Variants in DPP3 observed in about 807,000 individuals in gnomAD.
DPP3 encodes dipeptidyl peptidase 3.
A neutral mutation model predicts 89.8 loss-of-function variants in DPP3; 64 were observed. The observed-to-expected ratio is 0.71, with a 90% CI of 0.58 to 0.88. The LOEUF is 0.88. Ranked by LOEUF, DPP3 falls within the 40% of genes least tolerant of loss-of-function variation. DPP3 has a pLI of 0.00. For missense variants in DPP3, 835 were observed against 972.5 expected, an observed-to-expected ratio of 0.86 and a Z score of 1.88; for synonymous variants, 377 against 404.3, an observed-to-expected ratio of 0.93 and a Z score of 0.81.
intron 12 of DPP3, 147 bp downstream of exon 12, chr11:66,493,780 C>A (rs913739483): frequency 1.3e-6 from 1 of 779,980 alleles, no homozygotes. Context: ...AGAGAAGACC[C>A]TGTCTTGCCC....
In DPP3 at chr11:66,491,722, C is replaced by T. The variant is rs768079701; in HGVS notation, c.954C>T (p.Tyr318=). The part of the protein sequence containing the change: ...VESYIGFIES[Y]RDPFGSRGEF... ...GTTACATCGGGTTCATCGAGAGCTACCGCGACCCCTTTGGTTCCCGAGGAG... is the reference window on the plus strand; with the variant it reads ...GTTACATCGGGTTCATCGAGAGCTATCGCGACCCCTTTGGTTCCCGAGGAG... Residue 318 remains tyrosine, a synonymous_variant, in exon 9 of 18, where the codon TAC becomes TAT. Coordinates refer to ENST00000531863, the MANE Select transcript of DPP3 (RefSeq NM_130443.4). 7 of 1,612,950 alleles carry T rather than the reference C, an allele frequency of 4.3e-6. No individual in the cohort carries two copies. The African/African-American group carries it at 9.4e-5, about 22-fold the overall frequency.
intron 17 of DPP3, among the ~76,000 whole-genome samples, chr11:66,505,992 T>TA (rs1855790576): frequency 6.6e-6 from 1 of 152,126 alleles, no homozygotes. Flanking sequence ...CTCTGTCGCC[T>TA]AGGCTGGAGT....
chr11:66,494,941 C>T (rs907222506), intron 12 of DPP3, among the ~76,000 whole-genome samples: 4 of 152,248 alleles, frequency 2.6e-5, no homozygotes, highest in Admixed American at 1.3e-4. Flanking sequence ...GCAAGTCCCT[C>T]GGCTGTCTGG....
rs1404128052 is a variant in DPP3 at position 66,487,808 on chromosome 11, TG to T, written c.574-105del. The T allele has an allele frequency of 3.9e-6, 4 of 1,021,364 alleles. No homozygotes were observed. The Admixed American group carries it at 9.8e-5, about 25-fold the overall frequency. The allele number at this position is 1,021,364 out of a possible 1,614,324, so 63.3% of individuals were successfully genotyped here. ...CCCAGCCAACCCAGAAGGCCCAGCC[TG>T]CTTTGCCTCCATGCCTTCTCCCCTA... On this transcript the variant is annotated intron_variant, in intron 5 of 17. Coordinates refer to ENST00000531863, the MANE Select transcript of DPP3 (RefSeq NM_130443.4).
chr11:66,492,013 G>A (rs184603581), intron 9 of DPP3, among the ~76,000 whole-genome samples: 1 of 152,192 alleles, frequency 6.6e-6, no homozygotes, highest in Non-Finnish European at 1.5e-5. Context: ...GGGCACAGTT[G>A]GGGGGTGGCC....
At position 66,504,738 on chromosome 11, in the gene DPP3, C is replaced by T. The variant is rs1855760954; in HGVS notation, c.2005C>T (p.Arg669Trp). ...CACGGTGCTGCTGCGTAAGGAATCT[C>T]GGAAGCTCATTGTTCAGCCCAACAC... is the stretch of plus-strand genomic sequence containing the variant. ...RDTVLLRKES[R>W]KLIVQPNTRL... The change falls in exon 17 of 18, where the codon CGG (arginine) becomes TGG (tryptophan). Residue 669 changes from arginine (R) to tryptophan (W), a missense_variant. By Grantham distance (101) the Arg-to-Trp change is moderately radical (BLOSUM62 -3). Coordinates refer to ENST00000531863, the MANE Select transcript of DPP3 (RefSeq NM_130443.4). The T allele has an allele frequency of 6.2e-7, 1 of 1,612,752 alleles. No homozygotes were observed. Among genetic ancestry groups the T allele is most frequent in the Admixed American group, 1.7e-5 (1 of 59,966 alleles).
chr11:66,506,838 T>C (rs1335790843), intron 17 of DPP3, among the ~76,000 whole-genome samples: 3 of 151,982 alleles, frequency 2.0e-5, no homozygotes, highest in African/African-American at 7.2e-5. Context: ...GTGAGAGAGG[T>C]TGTCTCTGAC....
intron 17 of DPP3, 124 bp from the exon 18 acceptor site, chr11:66,508,955 G>A: frequency 1.6e-6 from 2 of 1,265,872 alleles, no homozygotes; most frequent in Non-Finnish European, 1.1e-6. Flanking sequence ...TAGAGCACAG[G>A]TTTTTTTGGC....
In DPP3 at chr11:66,485,164, C is replaced by A; in HGVS notation, c.271-9C>A. The A allele has an allele frequency of 6.2e-7, 1 of 1,613,828 alleles. No homozygotes were observed. The highest frequency in any genetic ancestry group is 8.5e-7 in the Non-Finnish European group (1 of 1,179,828). ...CTTCCTGGGTCTCTGATGCCTGCCT[C>A]CCCCTCAGGCGTTCCTGGTCTATGC... On this transcript the variant is annotated splice_polypyrimidine_tract_variant and intron_variant, in intron 2 of 17. Coordinates refer to ENST00000531863, the MANE Select transcript of DPP3 (RefSeq NM_130443.4).
chr11:66,489,167 CT>C (rs1054303707), intron 6 of DPP3, among the ~76,000 whole-genome samples: 11 of 152,182 alleles, frequency 7.2e-5, no homozygotes, highest in Non-Finnish European at 1.6e-4. Context: ...CGCCTGGCCC[CT>C]GTCCAGGTCT....
chr11:66,490,497 G>A (rs879475437), intron 6 of DPP3, among the ~76,000 whole-genome samples: 2 of 152,044 alleles, frequency 1.3e-5, no homozygotes, highest in African/African-American at 4.8e-5. Context: ...CTCTGCTATC[G>A]TCACAGCTCC....
At chr11:66,494,447 G>A (rs758273449) in intron 12 of DPP3, among the ~76,000 whole-genome samples, 4 of 152,240 alleles carry the variant, frequency 2.6e-5, no homozygotes, top group Non-Finnish European at 2.9e-5. Context: ...GCCTTGTCCA[G>A]ACTTTATCAA....
intron 16 of DPP3, among the ~76,000 whole-genome samples, chr11:66,499,757 GA>G (rs1855633130): frequency 6.6e-6 from 1 of 151,356 alleles, no homozygotes; most frequent in African/African-American, 2.4e-5. Flanking sequence ...GTGACACAGC[GA>G]AACACTGCCT....
intron 11 of DPP3, 30 bp downstream of exon 11, chr11:66,493,209 T>A (rs770962495): frequency 1.3e-6 from 2 of 1,587,460 alleles, no homozygotes. Flanking sequence ...GGGTCGGGGC[T>A]GGGCCTCACC....
intron 15 of DPP3, among the ~76,000 whole-genome samples, chr11:66,496,194 G>A (rs1225596322): frequency 1.3e-5 from 2 of 152,188 alleles, no homozygotes; most frequent in Non-Finnish European, 2.9e-5. Flanking sequence ...TCAGTGCCAC[G>A]GCTCAGTTAT....
chr11:66,507,687 G>GTT (rs371473944), intron 17 of DPP3, among the ~76,000 whole-genome samples: 3 of 125,644 alleles, frequency 2.4e-5, no homozygotes, highest in African/African-American at 5.7e-5. Flanking sequence ...ACTGTAAAAA[G>GTT]TTTTTTTTTT....
intron 17 of DPP3, among the ~76,000 whole-genome samples, 185 bp from the exon 18 acceptor site, chr11:66,508,894 C>G (rs1246436952): frequency 1.3e-5 from 2 of 152,172 alleles, no homozygotes; most frequent in Non-Finnish European, 2.9e-5. Context: ...GTAGTATTTC[C>G]TTCCTCACAG....
Position 66,491,297 on chromosome 11 carries a change from G to A in DPP3, c.712G>A (p.Glu238Lys). ...SEVTSKLKSY[E>K]FRGSPFQVTR... ...GGTGACTTCCAAGCTGAAGAGCTATGAATTCCGGGGAAGCCCTTTCCAGGT... is the reference window on the plus strand; with the variant it reads ...GGTGACTTCCAAGCTGAAGAGCTATAAATTCCGGGGAAGCCCTTTCCAGGT... Residue 238 changes from glutamate to lysine, a missense_variant, in exon 7 of 18, where the codon GAA becomes AAA. Coordinates refer to ENST00000531863, the MANE Select transcript of DPP3 (RefSeq NM_130443.4). 1 of 1,613,972 alleles carries A rather than the reference G, an allele frequency of 6.2e-7. No homozygotes were observed. Among genetic ancestry groups the A allele is most frequent in the Non-Finnish European group, 8.5e-7 (1 of 1,179,998 alleles).
intron 16 of DPP3, among the ~76,000 whole-genome samples, chr11:66,502,421 C>G (rs887457154): frequency 6.6e-6 from 1 of 151,806 alleles, no homozygotes; most frequent in African/African-American, 2.4e-5. Context: ...GATTCTCCTG[C>G]CTCAGCCTCC....
Sources: gnomAD v4.1 joint callset for allele counts (sites outside exome capture counted in the v4.1 genomes callset) on GRCh38, gnomAD v4.1.1 for gene constraint, MANE v1.5 for transcripts, NCBI Gene and HGNC (gene_info 2026-07-23, HGNC 2026-07-21) for gene names.